The following ZFAT variants were observed in gnomAD, a reference collection of about 807,000 sequenced individuals.
ZFAT encodes zinc finger and AT-hook domain containing.
A neutral mutation model predicts 117.7 loss-of-function variants in ZFAT; 64 were observed. The observed-to-expected ratio is 0.54, with a 90% CI of 0.44 to 0.67. ZFAT has a LOEUF of 0.67. Among genes scored for constraint, ZFAT ranks in the 30% least tolerant of loss-of-function variants. The probability of loss-of-function intolerance (pLI) is 0.00; values close to 1 mark genes in which losing one functional copy is unlikely to be tolerated. For missense variants in ZFAT, 1,433 were observed against 1,584.5 expected, an observed-to-expected ratio of 0.90 and a Z score of 1.62; for synonymous variants, 679 against 615.0, an observed-to-expected ratio of 1.10 and a Z score of -1.54.
chr8:134,765,962 C>G, the ZFAT span: 3 of 152,192 alleles, frequency 2.0e-5, no homozygotes, highest in African/African-American at 7.2e-5. Context: ...TACTGTTTAA[C>G]TTTAAAAGAT....
chr8:134,647,582 AC>A (rs979358080), intron 2 of ZFAT, among the ~76,000 whole-genome samples: 3 of 152,206 alleles, frequency 2.0e-5, no homozygotes, highest in African/African-American at 7.2e-5. Context: ...AAGGAGTAGA[AC>A]TGTCTCTGTT....
At position 134,478,671 on chromosome 8, in the gene ZFAT, C is replaced by T. The variant is rs1458450201; in HGVS notation, c.3543G>A (p.Thr1181=). ...SSNHTVMIQE[T]VQQASVELAE... ...CAAGCTCCACGGACGCTTGCTGGACCGTCTCCTGGATCATGACCGTGTGGT... is the reference window on the plus strand; with the variant it reads ...CAAGCTCCACGGACGCTTGCTGGACTGTCTCCTGGATCATGACCGTGTGGT... Residue 1181 remains threonine, a synonymous_variant, in exon 16 of 16, where the codon ACG becomes ACA. Coordinates refer to ENST00000377838, the MANE Select transcript of ZFAT (RefSeq NM_020863.4). This position sits in a 1 kb window ranked among gnomAD's most constrained non-coding sequence, Gnocchi z 5.2. 2.5e-6 allele frequency: 4 copies of T among 1,581,824 alleles called. No individual in the cohort carries two copies. Among genetic ancestry groups the T allele is most frequent in the East Asian group, 2.3e-5 (1 of 42,812 alleles).
intron 11 of ZFAT, among the ~76,000 whole-genome samples, chr8:134,536,348 C>T (rs1217008547): frequency 6.6e-6 from 1 of 152,176 alleles, no homozygotes; most frequent in Non-Finnish European, 1.5e-5. Context: ...AAACATCCCC[C>T]AGCAGCCTTT....
chr8:134,676,540 G>A (rs959705641), intron 1 of ZFAT, among the ~76,000 whole-genome samples: 1 of 152,170 alleles, frequency 6.6e-6, no homozygotes, highest in Non-Finnish European at 1.5e-5. Flanking sequence ...AGATCAATGA[G>A]ATGGAAAATT....
intron 15 of ZFAT, among the ~76,000 whole-genome samples, chr8:134,495,444 A>T (rs187321822): frequency 3.3e-5 from 5 of 152,196 alleles, no homozygotes; most frequent in Non-Finnish European, 5.9e-5. Flanking sequence ...GATTTCAATC[A>T]TATGAATTAA....
chr8:134,664,039 G>A (rs567414828), intron 1 of ZFAT, among the ~76,000 whole-genome samples: 2 of 152,314 alleles, frequency 1.3e-5, no homozygotes, highest in East Asian at 3.9e-4. Context: ...ACGGGAGGAG[G>A]CACTTGAAAG....
At chr8:134,521,114 G>T in intron 12 of ZFAT, 113 bp from the exon 13 acceptor site, 2 of 678,074 alleles carry the variant, frequency 2.9e-6, no homozygotes, top group African/African-American at 1.8e-5. Flanking sequence ...TTTGTCTCCA[G>T]CACTTGTATT....
intron 1 of ZFAT, among the ~76,000 whole-genome samples, chr8:134,678,189 T>G (rs1433533079): frequency 6.6e-6 from 1 of 151,998 alleles, no homozygotes; most frequent in East Asian, 1.9e-4. Flanking sequence ...GATTGTATAT[T>G]TATAACCCCA....
intron 2 of ZFAT, among the ~76,000 whole-genome samples, chr8:134,642,401 G>A (rs1830637066): frequency 6.6e-6 from 1 of 152,144 alleles, no homozygotes; most frequent in Non-Finnish European, 1.5e-5. Flanking sequence ...CTATTTTATA[G>A]AGTCACTACT....
At chr8:134,526,043 T>TTTGTTG (rs58483395) in intron 12 of ZFAT, among the ~76,000 whole-genome samples, 1 of 152,062 alleles carries the variant, frequency 6.6e-6, no homozygotes, top group African/African-American at 2.4e-5. Flanking sequence ...ACCTCCACTT[T>TTTGTTG]TTGTTGTTGT....
intron 11 of ZFAT, among the ~76,000 whole-genome samples, chr8:134,546,860 T>C (rs1822738909): frequency 6.6e-6 from 1 of 152,232 alleles, no homozygotes; most frequent in Non-Finnish European, 1.5e-5. Context: ...ATCAAATTAT[T>C]ATCATTGACA....
chr8:134,804,039 GAAAT>G, the ZFAT span, among the ~76,000 whole-genome samples: 1 of 152,086 alleles, frequency 6.6e-6, no homozygotes, highest in Non-Finnish European at 1.5e-5. Context: ...AAGACTAACA[GAAAT>G]AAAATAACAA....
intron 15 of ZFAT, among the ~76,000 whole-genome samples, chr8:134,482,758 T>C (rs536533725): frequency 1.6e-4 from 25 of 152,368 alleles, no homozygotes; most frequent in Middle Eastern, 6.8e-3. Context: ...GAAAAAGCGA[T>C]GGAGGCAATG....
At chr8:134,817,425 ACACACACACAC>A in the ZFAT span, among the ~76,000 whole-genome samples, 28 of 119,014 alleles carry the variant, frequency 2.4e-4, no homozygotes, top group Non-Finnish European at 3.4e-4. Context: ...ACACACACAC[ACACACACACAC>A]AACGCACCCT....
chr8:134,608,673 T>C lies in ZFAT; in HGVS notation c.785+56A>G, dbSNP rs1024138779. On this transcript the variant is annotated intron_variant, in intron 5 of 15. Transcript: ENST00000377838. ...GCATGCTGATCCTTCCTGCACTCTGTGGAGTTCACTCACATGCAACCTCTG... is the reference window on the plus strand; with the variant it reads ...GCATGCTGATCCTTCCTGCACTCTGCGGAGTTCACTCACATGCAACCTCTG... The C allele has an allele frequency of 6.9e-6, 11 of 1,585,362 alleles. No homozygotes were observed. The African/African-American group carries it at 1.4e-4, about 20-fold the overall frequency.
chr8:134,564,856 T>C (rs11786410), intron 11 of ZFAT: 681,338 of 817,914 alleles, frequency 0.83, 284,825 homozygotes, highest in East Asian at 0.98. Flanking sequence ...TAAAAGAATA[T>C]GAAATGCCAC....
At chr8:134,765,986 A>C in the ZFAT span, 1 of 152,220 alleles carries the variant, frequency 6.6e-6, no homozygotes, top group South Asian at 2.1e-4. Flanking sequence ...TTAATAAATA[A>C]TGCTATTGCA....
chr8:134,772,972 G>T, the ZFAT span, among the ~76,000 whole-genome samples: 1 of 151,842 alleles, frequency 6.6e-6, no homozygotes, highest in Non-Finnish European at 1.5e-5. Context: ...TACACCTGTA[G>T]TCCCAGCTAC....
At chr8:134,798,963 A>T in the ZFAT span, among the ~76,000 whole-genome samples, 1 of 152,168 alleles carries the variant, frequency 6.6e-6, no homozygotes, top group Non-Finnish European at 1.5e-5. Flanking sequence ...TTTGTAATGC[A>T]TTGCAATATG....
Sources: gnomAD v4.1 joint callset for allele counts (sites outside exome capture counted in the v4.1 genomes callset) on GRCh38, gnomAD v4.1.1 for gene constraint, Gnocchi (gnomAD v3.1) non-coding constraint, MANE v1.5 for transcripts, NCBI Gene and HGNC (gene_info 2026-07-23, HGNC 2026-07-21) for gene names.